The following SPAG16 variants were observed in gnomAD, a reference collection of about 807,000 sequenced individuals.
The protein encoded by SPAG16 is sperm associated antigen 16.
Under a neutral mutation model 80.4 loss-of-function variants are expected in SPAG16, and 86 were observed. That is an observed-to-expected ratio of 1.07 (90% confidence interval 0.90 to 1.28). The LOEUF (loss-of-function observed/expected upper bound fraction) is 1.28. Ranked by LOEUF, SPAG16 falls within the 50% of genes most tolerant of loss-of-function variation. SPAG16 has a pLI of 0.00. For missense variants in SPAG16, 870 were observed against 765.3 expected (o/e 1.14, Z -1.61); for synonymous variants, 294 against 265.9 (o/e 1.11, Z -1.03).
At chr2:213,380,683 T>C (rs2067125295) in intron 9 of SPAG16, among the ~76,000 whole-genome samples, 1 of 152,190 alleles carries the variant, frequency 6.6e-6, no homozygotes, top group Non-Finnish European at 1.5e-5. Flanking sequence ...AAGAGCTGTC[T>C]CTCAAAAGGA....
At chr2:213,413,901 G>A (rs987089310) in intron 9 of SPAG16, among the ~76,000 whole-genome samples, 2 of 152,144 alleles carry the variant, frequency 1.3e-5, no homozygotes, top group African/African-American at 4.8e-5. Context: ...ATATTTCACA[G>A]TGCAAACAAA....
chr2:214,056,758 A>C (rs2049966380), intron 13 of SPAG16, among the ~76,000 whole-genome samples: 1 of 152,172 alleles, frequency 6.6e-6, no homozygotes. Context: ...ATAACATTTT[A>C]CCCACAGTAG....
intron 10 of SPAG16, among the ~76,000 whole-genome samples, chr2:213,688,995 TG>T (rs2125287873): frequency 6.6e-6 from 1 of 152,202 alleles, no homozygotes; most frequent in East Asian, 1.9e-4. Context: ...AGTCTCACTC[TG>T]TTGCCCAGGC....
intron 3 of SPAG16, among the ~76,000 whole-genome samples, chr2:213,303,027 C>T (rs2062807827): frequency 6.6e-6 from 1 of 152,058 alleles, no homozygotes; most frequent in Non-Finnish European, 1.5e-5. Context: ...ACCAAAAAAA[C>T]TGAGGTAGCA....
chr2:213,392,949 G>A (rs1172930234), intron 9 of SPAG16, among the ~76,000 whole-genome samples: 1 of 151,882 alleles, frequency 6.6e-6, no homozygotes, highest in East Asian at 1.9e-4. Context: ...ATAATATCAT[G>A]CCATGTTAAA....
At chr2:214,353,063 CTTCTCTGG>C (rs1204713942) in intron 15 of SPAG16, among the ~76,000 whole-genome samples, 1 of 152,040 alleles carries the variant, frequency 6.6e-6, no homozygotes, top group Admixed American at 6.6e-5. Flanking sequence ...CTACTTGCAT[CTTCTCTGG>C]TTCTTTTAAT....
chr2:213,367,744 TC>T (rs1371000079), intron 8 of SPAG16, among the ~76,000 whole-genome samples: 2 of 150,200 alleles, frequency 1.3e-5, no homozygotes, highest in African/African-American at 4.9e-5. Flanking sequence ...GGTTGCCTGT[TC>T]ACTCTGACGG....
At chr2:213,834,010 T>TG (rs1466452711) in intron 10 of SPAG16, among the ~76,000 whole-genome samples, 1 of 151,972 alleles carries the variant, frequency 6.6e-6, no homozygotes, top group East Asian at 1.9e-4. Context: ...AATCGAATCG[T>TG]GGGGGCTGGT....
intron 11 of SPAG16, among the ~76,000 whole-genome samples, chr2:213,926,061 T>A (rs1025398508): frequency 6.6e-6 from 1 of 152,174 alleles, no homozygotes; most frequent in Admixed American, 6.5e-5. Context: ...CTGTACATTC[T>A]CAACCCTTAA....
chr2:213,855,713 G>T (rs1410281613), intron 10 of SPAG16, among the ~76,000 whole-genome samples: 1 of 152,150 alleles, frequency 6.6e-6, no homozygotes, highest in African/African-American at 2.4e-5. Flanking sequence ...AATGAGAGCA[G>T]AGTGGAGGGG....
intron 15 of SPAG16, among the ~76,000 whole-genome samples, chr2:214,207,107 G>T (rs973474301): frequency 5.3e-5 from 8 of 152,062 alleles, no homozygotes; most frequent in African/African-American, 1.9e-4. Flanking sequence ...CTGCTTCTTG[G>T]ACCTATTGTG....
At chr2:214,112,230 A>C (rs2053701834) in intron 14 of SPAG16, among the ~76,000 whole-genome samples, 1 of 152,136 alleles carries the variant, frequency 6.6e-6, no homozygotes, top group African/African-American at 2.4e-5. Flanking sequence ...TTTACTTCCA[A>C]TTATGTGGTC....
At chr2:213,439,912 T>A (rs1219707208) in intron 9 of SPAG16, among the ~76,000 whole-genome samples, 2 of 152,198 alleles carry the variant, frequency 1.3e-5, no homozygotes, top group South Asian at 2.1e-4. Flanking sequence ...AAAAACTCTA[T>A]GATAATTTAT....
chr2:213,769,684 A>T (rs1185633269), intron 10 of SPAG16, among the ~76,000 whole-genome samples: 1 of 152,204 alleles, frequency 6.6e-6, no homozygotes, highest in Non-Finnish European at 1.5e-5. Flanking sequence ...TATCTTTTAA[A>T]TATGTCTCTT....
intron 15 of SPAG16, among the ~76,000 whole-genome samples, chr2:214,372,617 C>T (rs756065240): frequency 3.3e-5 from 5 of 152,124 alleles, no homozygotes; most frequent in East Asian, 1.9e-4. Context: ...GCTATTTATC[C>T]GCATGCCTGG....
At position 213,862,628 on chromosome 2, in the gene SPAG16, G is replaced by C; in HGVS notation, c.1214G>C (p.Ser405Thr). The change falls in exon 11 of 16, where the codon AGT (serine) becomes ACT (threonine). Residue 405 changes from serine to threonine, a missense_variant and splice_region_variant. By Grantham distance (58) the Ser-to-Thr change is moderately conservative (BLOSUM62 1). Transcript: ENST00000331683. ...CTTTCAGACTGCTGCTTCCATCCCA[G>C]GTCAGTGCACAGGACCCCTAGAAAT... ...DWLSDCCFHP[S>T]GDKLATSSGD... 2 of 1,613,944 alleles carry C rather than the reference G, an allele frequency of 1.2e-6. No individual in the cohort carries two copies. Among genetic ancestry groups the C allele is most frequent in the Non-Finnish European group, 1.7e-6 (2 of 1,179,952 alleles).
intron 15 of SPAG16, among the ~76,000 whole-genome samples, chr2:214,369,174 G>A (rs919759891): frequency 7.9e-5 from 12 of 152,050 alleles, no homozygotes; most frequent in Non-Finnish European, 1.3e-4. Flanking sequence ...TAAGATTTGT[G>A]CATTACATCA....
At chr2:213,441,689 A>G (rs2070966585) in intron 9 of SPAG16, among the ~76,000 whole-genome samples, 1 of 152,274 alleles carries the variant, frequency 6.6e-6, no homozygotes, top group South Asian at 2.1e-4. Flanking sequence ...AAGAAATAAA[A>G]TTACTTTTGT....
intron 6 of SPAG16, among the ~76,000 whole-genome samples, chr2:213,348,248 C>G (rs942978337): frequency 1.3e-5 from 2 of 152,052 alleles, no homozygotes; most frequent in East Asian, 3.8e-4. Context: ...TCCTCCATCC[C>G]TTGATTTTGA....
Sources: gnomAD v4.1 joint callset for allele counts (sites outside exome capture counted in the v4.1 genomes callset) on GRCh38, gnomAD v4.1.1 for gene constraint, MANE v1.5 for transcripts, NCBI Gene and HGNC (gene_info 2026-07-23, HGNC 2026-07-21) for gene names.